CDH10: variants seen among roughly 807,000 people sequenced by gnomAD.
CDH10 encodes the protein cadherin 10.
In CDH10, 30 loss-of-function variants were observed where a neutral mutation model predicts 73.1. The observed-to-expected ratio is 0.41, with a 90% CI of 0.31 to 0.56. The LOEUF (loss-of-function observed/expected upper bound fraction) is 0.56. Among genes scored for constraint, CDH10 ranks in the 20% least tolerant of loss-of-function variants. The pLI is 0.27. For missense variants in CDH10, 815 were observed against 973.7 expected, an observed-to-expected ratio of 0.84 and a Z score of 2.17; for synonymous variants, 345 against 348.2, an observed-to-expected ratio of 0.99 and a Z score of 0.10.
At chr5:24,632,824 A>T (rs1371937650) in intron 1 of CDH10, among the ~76,000 whole-genome samples, 1 of 151,948 alleles carries the variant, frequency 6.6e-6, no homozygotes, top group South Asian at 2.1e-4. Context: ...TTCACATGGT[A>T]TCCTGTAATT....
intron 5 of CDH10, among the ~76,000 whole-genome samples, chr5:24,514,236 T>C (rs1301741511): frequency 6.6e-6 from 1 of 152,160 alleles, no homozygotes; most frequent in Non-Finnish European, 1.5e-5. Context: ...ATTCATATTA[T>C]CAAGCTTTAC....
At chr5:24,488,756 C>T (rs1051114535) in intron 11 of CDH10, among the ~76,000 whole-genome samples, 34 of 151,286 alleles carry the variant, frequency 2.2e-4, no homozygotes, top group Non-Finnish European at 4.9e-4. Context: ...TTAGAAATTC[C>T]TAATGTTTCC....
chr5:24,500,014 G>C (rs1271410360), intron 8 of CDH10, among the ~76,000 whole-genome samples: 1 of 152,118 alleles, frequency 6.6e-6, no homozygotes, highest in Non-Finnish European at 1.5e-5. Context: ...CAAAACAATA[G>C]CAGAATAGCT....
intron 5 of CDH10, among the ~76,000 whole-genome samples, chr5:24,518,948 T>G (rs1335884950): frequency 4.3e-5 from 6 of 140,730 alleles, no homozygotes; most frequent in Admixed American, 4.0e-4. Context: ...TGGACTGCAG[T>G]GGTGCGATCT....
intron 1 of CDH10, among the ~76,000 whole-genome samples, chr5:24,596,431 C>T (rs1289930470): frequency 6.6e-6 from 1 of 151,752 alleles, no homozygotes; most frequent in Non-Finnish European, 1.5e-5. Context: ...ATGCAAACAG[C>T]ATACAATAAC....
intron 1 of CDH10, among the ~76,000 whole-genome samples, chr5:24,606,878 C>G (rs1746781539): frequency 6.6e-6 from 1 of 152,076 alleles, no homozygotes; most frequent in African/African-American, 2.4e-5. Flanking sequence ...TTTCTTTATT[C>G]TACTCTGAGA....
At position 24,539,816 on chromosome 5, in the gene CDH10, T is replaced by C. The variant is rs184636989; in HGVS notation, c.232-2142A>G. On this transcript the variant is annotated intron_variant, in intron 2 of 11. Transcript: ENST00000264463. ...ACTGATGCTTTACAGGAACTGAAAATGTACATAGTTGCTGGGAAACTTTCC... is the reference window on the plus strand; with the variant it reads ...ACTGATGCTTTACAGGAACTGAAAACGTACATAGTTGCTGGGAAACTTTCC... Among the ~76,000 whole-genome samples the C allele has an allele frequency of 3.5e-3, 528 of 152,152 alleles. 7 individuals carry two copies. The highest frequency in any genetic ancestry group is 6.8e-3 in the Middle Eastern group (2 of 294).
At chr5:24,535,420 T>C in intron 4 of CDH10, 141 bp from the exon 5 acceptor site, 2 of 829,008 alleles carry the variant, frequency 2.4e-6, no homozygotes, top group South Asian at 3.5e-5. Context: ...CTAGAAATTA[T>C]AAAAGTGATT....
At chr5:24,627,027 T>A (rs1330436105) in intron 1 of CDH10, among the ~76,000 whole-genome samples, 3 of 151,766 alleles carry the variant, frequency 2.0e-5, no homozygotes, top group Non-Finnish European at 4.4e-5. Context: ...CTTACCCTTC[T>A]ACCCAGAAGC....
chr5:24,643,531 GA>G (rs5866676), intron 1 of CDH10, among the ~76,000 whole-genome samples: 144,716 of 149,522 alleles, frequency 0.97, 70,147 homozygotes, highest in East Asian at 1. Flanking sequence ...GATCCTTCAA[GA>G]AAAAAAAAAA....
intron 1 of CDH10, among the ~76,000 whole-genome samples, chr5:24,600,870 G>C (rs953011841): frequency 1.3e-5 from 2 of 152,062 alleles, no homozygotes; most frequent in African/African-American, 4.8e-5. Flanking sequence ...TTAGGTCTAG[G>C]TCTGATACAA....
chr5:24,513,369 C>G (rs765073789), intron 5 of CDH10, among the ~76,000 whole-genome samples: 1 of 152,036 alleles, frequency 6.6e-6, no homozygotes, highest in Non-Finnish European at 1.5e-5. Flanking sequence ...TTCCCCTTAT[C>G]CTCATGTTAT....
chr5:24,546,426 T>C (rs1744344409), intron 2 of CDH10, among the ~76,000 whole-genome samples: 2 of 152,298 alleles, frequency 1.3e-5, no homozygotes, highest in Admixed American at 6.5e-5. Context: ...CAGATGAATA[T>C]ACCTATCCCC....
At chr5:24,552,304 C>G (rs1318508017) in intron 2 of CDH10, among the ~76,000 whole-genome samples, 1 of 151,878 alleles carries the variant, frequency 6.6e-6, no homozygotes, top group East Asian at 1.9e-4. Flanking sequence ...ATAATCACTT[C>G]TAGTGTGCAA....
At chr5:24,608,943 A>T (rs533382983) in intron 1 of CDH10, among the ~76,000 whole-genome samples, 2 of 152,206 alleles carry the variant, frequency 1.3e-5, no homozygotes, top group African/African-American at 4.8e-5. Flanking sequence ...TTAACTTAAC[A>T]TTATTCTTTG....
intron 9 of CDH10, among the ~76,000 whole-genome samples, chr5:24,496,791 C>G (rs1439188314): frequency 6.6e-6 from 1 of 152,130 alleles, no homozygotes; most frequent in Admixed American, 6.5e-5. Context: ...AGAATTTTAT[C>G]AAATTACCAC....
chr5:24,543,183 T>C (rs1289567281), intron 2 of CDH10, among the ~76,000 whole-genome samples: 1 of 152,112 alleles, frequency 6.6e-6, no homozygotes, highest in African/African-American at 2.4e-5. Context: ...ACCATATCTA[T>C]CAGGAGGCAC....
chr5:24,542,752 C>T (rs888341074), intron 2 of CDH10, among the ~76,000 whole-genome samples: 1 of 152,066 alleles, frequency 6.6e-6, no homozygotes, highest in Non-Finnish European at 1.5e-5. Context: ...CTGGTAAGGG[C>T]CCTCTTTCTG....
intron 1 of CDH10, among the ~76,000 whole-genome samples, chr5:24,634,375 A>G (rs1747802790): frequency 6.6e-6 from 1 of 151,976 alleles, no homozygotes; most frequent in African/African-American, 2.4e-5. Flanking sequence ...GTAAAGTCCA[A>G]TTCTAAAAGT....
Sources: allele counts gnomAD v4.1 joint callset (sites outside exome capture counted in the v4.1 genomes callset), GRCh38; gene constraint gnomAD v4.1.1; transcripts MANE v1.5; gene names NCBI Gene and HGNC (gene_info 2026-07-23, HGNC 2026-07-21).